The following PHF24 variants were observed in gnomAD, a reference collection of about 807,000 sequenced individuals.
The protein encoded by PHF24 is PHD finger protein 24.
Under a neutral mutation model 42.6 loss-of-function variants are expected in PHF24, and 25 were observed. The observed-to-expected ratio is 0.59, with a 90% confidence interval of 0.43 to 0.82. The LOEUF is 0.82. Ranked by LOEUF, PHF24 falls within the 40% of genes least tolerant of loss-of-function variation. The probability of loss-of-function intolerance (pLI) is 0.00; values close to 1 mark genes in which losing one functional copy is unlikely to be tolerated. For synonymous variants in PHF24, 185 were observed against 204.8 expected (o/e 0.90, Z 0.83); for missense variants, 470 against 538.1 (o/e 0.87, Z 1.25).
At chr9:34,941,864 G>T in the PHF24 span, among the ~76,000 whole-genome samples, 30 of 152,218 alleles carry the variant, frequency 2.0e-4, no homozygotes, top group African/African-American at 7.0e-4. Flanking sequence ...CACCTTGGGG[G>T]TTAGGATTTC....
chr9:34,944,533 A>G, the PHF24 span, among the ~76,000 whole-genome samples: 1 of 152,214 alleles, frequency 6.6e-6, no homozygotes, highest in Non-Finnish European at 1.5e-5. Flanking sequence ...ATCAATACAC[A>G]AATGCCAGCT....
chr9:34,957,475 A>C (rs1193787956), upstream of PHF24: 1 of 152,210 alleles, frequency 6.6e-6, no homozygotes, highest in Non-Finnish European at 1.5e-5. Flanking sequence ...TGTAATGCAC[A>C]TTATAGCCCT....
At chr9:34,917,171 C>T in the PHF24 span, 1 of 1,383,784 alleles carries the variant, frequency 7.2e-7, no homozygotes, top group Non-Finnish European at 1.0e-6. Context: ...GAACACCTTC[C>T]ACCATGACCA....
chr9:34,760,855 A>G, the PHF24 span, among the ~76,000 whole-genome samples: 1 of 152,058 alleles, frequency 6.6e-6, no homozygotes, highest in South Asian at 2.1e-4. Context: ...AGCCGGGTGT[A>G]GTGGCGAGCG....
At chr9:34,705,641 G>A in the PHF24 span, among the ~76,000 whole-genome samples, 1 of 152,198 alleles carries the variant, frequency 6.6e-6, no homozygotes, top group Non-Finnish European at 1.5e-5. Context: ...TTTAGTCGGG[G>A]CTCAGTGAGA....
At chr9:34,843,999 T>C in the PHF24 span, among the ~76,000 whole-genome samples, 3 of 152,178 alleles carry the variant, frequency 2.0e-5, no homozygotes, top group East Asian at 5.8e-4. Context: ...GTTCAGATTT[T>C]CTATTTCTTC....
At chr9:34,966,716 G>A (rs1307471008) in intron 1 of PHF24, among the ~76,000 whole-genome samples, 2 of 151,830 alleles carry the variant, frequency 1.3e-5, no homozygotes, top group African/African-American at 4.8e-5. Flanking sequence ...TAAGAGACAG[G>A]GTCTCACTGT....
chr9:34,960,921 A>G (rs1311417413), intron 1 of PHF24, among the ~76,000 whole-genome samples: 1 of 152,220 alleles, frequency 6.6e-6, no homozygotes, highest in Non-Finnish European at 1.5e-5. Flanking sequence ...AAAAGGGGAG[A>G]GAACGGCTCA....
At chr9:34,737,789 G>A in the PHF24 span, among the ~76,000 whole-genome samples, 2 of 152,026 alleles carry the variant, frequency 1.3e-5, no homozygotes, top group African/African-American at 4.8e-5. Flanking sequence ...AAATTGACAC[G>A]ATATTTATAG....
chr9:34,779,715 G>T, the PHF24 span, among the ~76,000 whole-genome samples: 1 of 152,044 alleles, frequency 6.6e-6, no homozygotes, highest in Non-Finnish European at 1.5e-5. Context: ...TCACATATAT[G>T]GTCAATTGTT....
At chr9:34,846,091 T>G in the PHF24 span, among the ~76,000 whole-genome samples, 34 of 152,252 alleles carry the variant, frequency 2.2e-4, no homozygotes, top group African/African-American at 8.2e-4. Context: ...GCAGCATGAT[T>G]TATAGTCATT....
At chr9:34,702,784 T>G in the PHF24 span, among the ~76,000 whole-genome samples, 1 of 152,144 alleles carries the variant, frequency 6.6e-6, no homozygotes, top group African/African-American at 2.4e-5. Context: ...CACTCCAGCC[T>G]GGGCAACAGA....
chr9:34,788,184 T>G, the PHF24 span, among the ~76,000 whole-genome samples: 6 of 152,174 alleles, frequency 3.9e-5, no homozygotes, highest in South Asian at 1.2e-3. Context: ...ACTACAGGTG[T>G]GCACCACTGA....
At chr9:34,716,104 C>T in the PHF24 span, among the ~76,000 whole-genome samples, 41 of 152,248 alleles carry the variant, frequency 2.7e-4, 1 homozygote, top group East Asian at 7.1e-3. Flanking sequence ...GGGTTCTCAG[C>T]GGAGCATTGA....
At chr9:34,853,556 C>T in the PHF24 span, among the ~76,000 whole-genome samples, 8 of 152,042 alleles carry the variant, frequency 5.3e-5, no homozygotes, top group African/African-American at 1.4e-4. Flanking sequence ...CGGCCGGGCG[C>T]GGTGGCTCAC....
chr9:34,877,058 G>A, the PHF24 span, among the ~76,000 whole-genome samples: 3 of 152,202 alleles, frequency 2.0e-5, no homozygotes, highest in South Asian at 2.1e-4. Flanking sequence ...AAGGTGGGCA[G>A]ATCACCTGAG....
At chr9:34,977,562 C>G in exon 7 of PHF24, 33 of 1,608,854 alleles carry the variant, frequency 2.1e-5, no homozygotes, top group Non-Finnish European at 2.8e-5. Context: ...CCATGTGGGT[C>G]CCATCGCAGA....
chr9:34,735,383 C>T, the PHF24 span, among the ~76,000 whole-genome samples: 1 of 151,458 alleles, frequency 6.6e-6, no homozygotes, highest in African/African-American at 2.4e-5. Context: ...GATTCGCCCA[C>T]CTCGGCCTCC....
At chr9:34,807,355 T>G in the PHF24 span, among the ~76,000 whole-genome samples, 1 of 152,154 alleles carries the variant, frequency 6.6e-6, no homozygotes, top group South Asian at 2.1e-4. Flanking sequence ...CCACCTATTC[T>G]CTCTGCTAGT....
Sources: allele counts gnomAD v4.1 joint callset (sites outside exome capture counted in the v4.1 genomes callset), GRCh38; gene constraint gnomAD v4.1.1; transcripts MANE v1.5; gene names NCBI Gene and HGNC (gene_info 2026-07-23, HGNC 2026-07-21).